DNAJC13: variants seen among roughly 807,000 people sequenced by gnomAD.
DNAJC13 encodes the protein DnaJ heat shock protein family (Hsp40) member C13, also known as dnaJ homolog subfamily C member 13.
A neutral mutation model predicts 290.5 loss-of-function variants in DNAJC13; 75 were observed. The observed-to-expected ratio is 0.26, with a 90% CI of 0.21 to 0.31. The LOEUF is 0.31. Ranked by LOEUF, DNAJC13 falls within the 10% of genes least tolerant of loss-of-function variation. The pLI is 1.00. For missense variants in DNAJC13, 2,260 were observed against 2,674.5 expected (o/e 0.85, Z 3.42); for synonymous variants, 862 against 892.0 (o/e 0.97, Z 0.60).
intron 2 of DNAJC13, 54 bp downstream of exon 2, chr3:132,434,672 A>G: frequency 7.0e-7 from 1 of 1,429,594 alleles, no homozygotes; most frequent in Non-Finnish European, 9.6e-7. Flanking sequence ...TATTTTAAAC[A>G]TTACTGTGTT....
At chr3:132,418,526 G>A (rs1226935439) in intron 1 of DNAJC13, among the ~76,000 whole-genome samples, 1 of 152,136 alleles carries the variant, frequency 6.6e-6, no homozygotes, top group Admixed American at 6.5e-5. Flanking sequence ...GTTGCTTAGA[G>A]GGGGGAAAAA....
rs1462000545 is a variant in DNAJC13, at chr3:132,478,303, G to T, written c.2709+163G>T. Among the ~76,000 whole-genome samples, 51 of 152,276 alleles carry T rather than the reference G, an allele frequency of 3.3e-4. 1 individual carries two copies. In the South Asian group the frequency reaches 4.1e-3, roughly 12 times the overall value. On this transcript the variant is annotated intron_variant, in intron 24 of 55. Coordinates refer to ENST00000260818, the MANE Select transcript of DNAJC13 (RefSeq NM_015268.4). ...TATTTAAATCTGAGTTAGATGAATA[G>T]GAAAATGAATAATGGGTTAGAATTT...
chr3:132,511,754 C>T (rs1182310082), intron 44 of DNAJC13, among the ~76,000 whole-genome samples: 3 of 152,084 alleles, frequency 2.0e-5, no homozygotes, highest in Admixed American at 2.0e-4. Flanking sequence ...ATTACTCTAG[C>T]CTGACTCCAG....
At chr3:132,489,050 A>G in intron 31 of DNAJC13, 29 bp downstream of exon 31, 1 of 1,591,092 alleles carries the variant, frequency 6.3e-7, no homozygotes, top group South Asian at 1.1e-5. Flanking sequence ...CTGAATACTT[A>G]ACCCTGGGTA....
intron 48 of DNAJC13, among the ~76,000 whole-genome samples, chr3:132,520,986 A>G (rs1200868757): frequency 2.0e-5 from 3 of 152,250 alleles, no homozygotes; most frequent in Admixed American, 6.5e-5. Context: ...ATACTAGTCT[A>G]TAATGAAATC....
chr3:132,500,957 G>T lies in DNAJC13; in HGVS notation c.4536+44G>T, dbSNP rs1381881634. On this transcript the variant is annotated intron_variant, in intron 39 of 55. Transcript: ENST00000260818. ...GCTTTCTAGATACAGACAGCAAAGTGTCTTTTTGTCAACTAGCCAGTTCCT... is the reference window on the plus strand; with the variant it reads ...GCTTTCTAGATACAGACAGCAAAGTTTCTTTTTGTCAACTAGCCAGTTCCT... 8 of 1,601,464 alleles carry T rather than the reference G, an allele frequency of 5.0e-6. No homozygotes were observed. The Admixed American group carries it at 1.3e-4, about 27-fold the overall frequency.
chr3:132,506,701 A>G (rs1935603901), intron 42 of DNAJC13, among the ~76,000 whole-genome samples: 1 of 151,544 alleles, frequency 6.6e-6, no homozygotes, highest in South Asian at 2.1e-4. Flanking sequence ...ACAGGCATGT[A>G]TCACCACGCC....
intron 1 of DNAJC13, among the ~76,000 whole-genome samples, chr3:132,427,133 A>ATATTTT (rs1310339480): frequency 4.9e-5 from 6 of 122,180 alleles, no homozygotes; most frequent in Admixed American, 1.6e-4. Flanking sequence ...ATATATATAT[A>ATATTTT]TTTTTTTTTT....
Position 132,503,259 on chromosome 3 carries a change from C to T in DNAJC13, c.4762C>T (p.Arg1588Cys), listed in dbSNP as rs770092759. ...CAAACTGAGTGTCCATGCTCTGAGT[C>T]GCCTTGGAGGGTATTTGGCTGAAGA... ...LAKLSVHALS[R>C]LGGYLAEEQA... is the part of the protein sequence containing the mutation. Residue 1588 changes from arginine (R) to cysteine (C), a missense_variant, in exon 41 of 56, where the codon CGC (arginine) becomes TGC (cysteine). Around this residue, in one of 3 missense-constraint regions of DNAJC13, gnomAD observed 1,494 missense variants for 1,693.7 expected, o/e 0.88. Transcript: ENST00000260818. The T allele has an allele frequency of 1.9e-6, 3 of 1,614,002 alleles. No individual in the cohort carries two copies. Among genetic ancestry groups the T allele is most frequent in the East Asian group, 4.5e-5 (2 of 44,880 alleles).
At chr3:132,521,789 A>G (rs1315348674) in intron 48 of DNAJC13, among the ~76,000 whole-genome samples, 1 of 152,224 alleles carries the variant, frequency 6.6e-6, no homozygotes, top group Non-Finnish European at 1.5e-5. Context: ...ATAGGAAGAA[A>G]TAAGCCTGTG....
rs73860709 is a variant in DNAJC13 at position 132,419,995 on chromosome 3, T to C, written c.-14+2235T>C. The stretch of plus-strand genomic sequence containing the variant: ...CTCACTTCTGCAACAAAAAAAGACC[T>C]ACACTACAAATTCATGACTTTTTTG... On this transcript the variant is annotated intron_variant, in intron 1 of 55. Transcript: ENST00000260818. Among the ~76,000 whole-genome samples, 411 of 152,328 alleles carry C rather than the reference T, an allele frequency of 2.7e-3. 2 individuals are homozygous for C. Among genetic ancestry groups the C allele is most frequent in the African/African-American group, 9.5e-3 (396 of 41,574 alleles).
At chr3:132,535,725 T>C (rs1472899600) in intron 55 of DNAJC13, among the ~76,000 whole-genome samples, 1 of 152,236 alleles carries the variant, frequency 6.6e-6, no homozygotes, top group Non-Finnish European at 1.5e-5. Flanking sequence ...CCATCTTTTC[T>C]CATTTCTCTG....
Position 132,454,629 on chromosome 3 carries a change from C to T in DNAJC13, c.932+472C>T, listed in dbSNP as rs184037163. On this transcript the variant is annotated intron_variant, in intron 9 of 55. Transcript: ENST00000260818. ...TGCTGGGATTATAGGCATGAGCCACCACACCTGGCCTATAACTAGTGTTTT... is the reference window on the plus strand; with the variant it reads ...TGCTGGGATTATAGGCATGAGCCACTACACCTGGCCTATAACTAGTGTTTT... 1.3e-4 allele frequency among the ~76,000 whole-genome samples: 20 copies of T among 152,114 alleles called. No homozygotes were observed. The East Asian group carries it at 2.1e-3, about 16-fold the overall frequency.
Position 132,499,267 on chromosome 3 carries a change from C to T in DNAJC13, c.4298C>T (p.Ser1433Leu), listed in dbSNP as rs772470852. 5 of 1,613,700 alleles carry T rather than the reference C, an allele frequency of 3.1e-6. No homozygotes were observed. The African/African-American group carries it at 6.7e-5, about 22-fold the overall frequency. ...CTAGCTTTCCATACTGTCAACTGTT[C>T]AGCCCTCAATGCTGAAGAGCTCAGA... The part of the protein sequence containing the change: ...TELAFHTVNC[S>L]ALNAEELRRE... Residue 1433 changes from serine (S) to leucine (L), a missense_variant, in exon 37 of 56, where the codon TCA becomes TTA. Around this residue, in one of 3 missense-constraint regions of DNAJC13, gnomAD observed 1,494 missense variants for 1,693.7 expected, o/e 0.88. Coordinates refer to ENST00000260818, the MANE Select transcript of DNAJC13 (RefSeq NM_015268.4).
At position 132,442,532 on chromosome 3, in the gene DNAJC13, A is replaced by G. The variant is rs1933105627; in HGVS notation, c.69-3943A>G. On this transcript the variant is annotated intron_variant, in intron 2 of 55. Coordinates refer to ENST00000260818, the MANE Select transcript of DNAJC13 (RefSeq NM_015268.4). ...TTCAGATGATCTTATCTCCACCAAT[A>G]CTATCATCAGCACAACATTTTTTTT... is the stretch of plus-strand genomic sequence containing the variant. 2.0e-5 allele frequency among the ~76,000 whole-genome samples: 3 copies of G among 152,118 alleles called. No individual in the cohort carries two copies. In the South Asian group the frequency reaches 6.2e-4, roughly 31 times the overall value.
chr3:132,505,365 G>T lies in DNAJC13; in HGVS notation c.4948G>T (p.Ala1650Ser). The change falls in exon 42 of 56, where the codon GCA becomes TCA. Residue 1650 changes from alanine (A) to serine (S), a missense_variant. By Grantham distance (99) the Ala-to-Ser change is moderately conservative (BLOSUM62 1). Around this residue, in one of 3 missense-constraint regions of DNAJC13, gnomAD observed 1,494 missense variants for 1,693.7 expected, o/e 0.88. Transcript: ENST00000260818. ...PYLIWNNSTR[A>S]ELLEFLESQQ... ...TTTGATATGGAACAATTCTACAAGAGCAGAATTACTTGAATTTCTTGAATC... is the reference window on the plus strand; with the variant it reads ...TTTGATATGGAACAATTCTACAAGATCAGAATTACTTGAATTTCTTGAATC... 1 of 1,611,102 alleles carries T rather than the reference G, an allele frequency of 6.2e-7. No homozygotes were observed. Among genetic ancestry groups the T allele is most frequent in the Non-Finnish European group, 8.5e-7 (1 of 1,178,574 alleles).
intron 22 of DNAJC13, among the ~76,000 whole-genome samples, chr3:132,476,785 C>T (rs1352643900): frequency 6.6e-6 from 1 of 152,188 alleles, no homozygotes; most frequent in Non-Finnish European, 1.5e-5. Flanking sequence ...CCACAGATAG[C>T]CTCATAACCT....
intron 45 of DNAJC13, among the ~76,000 whole-genome samples, chr3:132,513,712 T>C (rs1935843813): frequency 6.6e-6 from 1 of 152,180 alleles, no homozygotes; most frequent in African/African-American, 2.4e-5. Flanking sequence ...TTGAAGCCAC[T>C]GGTCCCATAG....
At chr3:132,524,904 A>G (rs190024037) in intron 51 of DNAJC13, among the ~76,000 whole-genome samples, 1 of 152,336 alleles carries the variant, frequency 6.6e-6, no homozygotes, top group African/African-American at 2.4e-5. Context: ...GGAGCCAGAC[A>G]TGTTAAATAG....
Sources: allele counts gnomAD v4.1 joint callset (sites outside exome capture counted in the v4.1 genomes callset), GRCh38; gene constraint gnomAD v4.1.1; regional missense constraint gnomAD v4.1.1; transcripts MANE v1.5; gene names NCBI Gene and HGNC (gene_info 2026-07-23, HGNC 2026-07-21).